The following SHISA9 variants were observed in gnomAD, a reference collection of about 807,000 sequenced individuals.
SHISA9 encodes protein shisa-9.
A neutral mutation model predicts 38.0 loss-of-function variants in SHISA9; 13 were observed. That is an observed-to-expected ratio of 0.34 (90% CI 0.22 to 0.54). The LOEUF (loss-of-function observed/expected upper bound fraction) is 0.54. SHISA9 is among the 20% of genes least tolerant of loss of function. SHISA9 has a pLI of 0.91. For synonymous variants in SHISA9, 275 were observed against 242.0 expected (o/e 1.14, Z -1.27); for missense variants, 538 against 575.8 (o/e 0.93, Z 0.67).
At chr16:13,479,390 C>T in the SHISA9 span, among the ~76,000 whole-genome samples, 1 of 152,140 alleles carries the variant, frequency 6.6e-6, no homozygotes, top group Admixed American at 6.5e-5. Context: ...GCCTATATCC[C>T]ATACTGCCTT....
chr16:13,129,029 C>T (rs2050284816), intron 2 of SHISA9, among the ~76,000 whole-genome samples: 1 of 152,124 alleles, frequency 6.6e-6, no homozygotes, highest in African/African-American at 2.4e-5. Flanking sequence ...ATGTCATTGC[C>T]ATTTATATTG....
At chr16:12,997,115 C>T (rs1354271478) in intron 2 of SHISA9, among the ~76,000 whole-genome samples, 1 of 152,100 alleles carries the variant, frequency 6.6e-6, no homozygotes, top group Non-Finnish European at 1.5e-5. Flanking sequence ...CCCCAAATTC[C>T]CTCATGCTTC....
At chr16:13,450,642 A>G in the SHISA9 span, among the ~76,000 whole-genome samples, 1 of 152,264 alleles carries the variant, frequency 6.6e-6, no homozygotes, top group Non-Finnish European at 1.5e-5. Flanking sequence ...CAGTCCTATG[A>G]AGTGGAATTA....
the SHISA9 span, among the ~76,000 whole-genome samples, chr16:13,479,151 A>G: frequency 1.3e-5 from 2 of 152,114 alleles, no homozygotes; most frequent in Admixed American, 1.3e-4. Context: ...CACGGCGCCT[A>G]TCAGTTTCCT....
At chr16:13,536,080 C>T in the SHISA9 span, among the ~76,000 whole-genome samples, 2 of 151,782 alleles carry the variant, frequency 1.3e-5, no homozygotes, top group Admixed American at 1.3e-4. Flanking sequence ...CTCACCGCAA[C>T]CTCCGCTTCC....
At chr16:13,124,698 C>T (rs1362350708) in intron 2 of SHISA9, among the ~76,000 whole-genome samples, 2 of 152,134 alleles carry the variant, frequency 1.3e-5, no homozygotes, top group African/African-American at 4.8e-5. Context: ...GGAGGAATCA[C>T]ATTATCTGAC....
chr16:13,155,420 G>C (rs931783593), intron 2 of SHISA9, among the ~76,000 whole-genome samples: 3 of 152,168 alleles, frequency 2.0e-5, no homozygotes, highest in Admixed American at 2.0e-4. Context: ...CTCCCCACCT[G>C]CCCTGGGACT....
chr16:13,100,761 G>A (rs2073870830), intron 2 of SHISA9, among the ~76,000 whole-genome samples: 1 of 152,214 alleles, frequency 6.6e-6, no homozygotes, highest in Non-Finnish European at 1.5e-5. Context: ...AGGCTGGAGT[G>A]CAGTGATGTG....
chr16:13,375,360 G>T, the SHISA9 span, among the ~76,000 whole-genome samples: 1 of 151,928 alleles, frequency 6.6e-6, no homozygotes, highest in African/African-American at 2.4e-5. Flanking sequence ...AAGATGTAAG[G>T]AAGGGATCTG....
At chr16:13,383,631 G>C in the SHISA9 span, among the ~76,000 whole-genome samples, 1 of 152,050 alleles carries the variant, frequency 6.6e-6, no homozygotes, top group African/African-American at 2.4e-5. Flanking sequence ...CCACAATTAT[G>C]TTTGCACCAA....
At chr16:13,296,323 A>G in the SHISA9 span, among the ~76,000 whole-genome samples, 1 of 150,956 alleles carries the variant, frequency 6.6e-6, no homozygotes, top group Non-Finnish European at 1.5e-5. Context: ...CTCAAGTTAT[A>G]TTTTTTTAGC....
At chr16:13,277,636 C>T in the SHISA9 span, among the ~76,000 whole-genome samples, 1 of 151,738 alleles carries the variant, frequency 6.6e-6, no homozygotes, top group Non-Finnish European at 1.5e-5. Flanking sequence ...TTTTCGGACT[C>T]CTTGTTTAGG....
the SHISA9 span, among the ~76,000 whole-genome samples, chr16:13,272,523 C>A: frequency 4.6e-5 from 7 of 152,068 alleles, no homozygotes; most frequent in African/African-American, 1.7e-4. Flanking sequence ...CCACTGTACC[C>A]AGCCTAGAAC....
At chr16:13,003,157 G>A (rs910017581) in intron 2 of SHISA9, among the ~76,000 whole-genome samples, 36 of 152,164 alleles carry the variant, frequency 2.4e-4, no homozygotes, top group Non-Finnish European at 1.3e-4. Flanking sequence ...AGCGAGAGGA[G>A]GATTGGTGCA....
chr16:13,094,192 G>A (rs1056148875), intron 2 of SHISA9, among the ~76,000 whole-genome samples: 18 of 152,208 alleles, frequency 1.2e-4, no homozygotes, highest in African/African-American at 1.2e-4. Context: ...TTTCCCAACC[G>A]TGCTCCTCTG....
At chr16:13,471,479 T>C in the SHISA9 span, among the ~76,000 whole-genome samples, 1 of 152,180 alleles carries the variant, frequency 6.6e-6, no homozygotes, top group Non-Finnish European at 1.5e-5. Context: ...CAAATGCTAG[T>C]CAGTAGATTA....
intron 2 of SHISA9, among the ~76,000 whole-genome samples, chr16:12,989,628 A>G (rs1475722156): frequency 6.6e-6 from 1 of 152,072 alleles, no homozygotes; most frequent in Non-Finnish European, 1.5e-5. Context: ...ATGTATGTCT[A>G]CTTAAATAAT....
chr16:13,293,655 A>G, the SHISA9 span, among the ~76,000 whole-genome samples: 1 of 152,128 alleles, frequency 6.6e-6, no homozygotes, highest in African/African-American at 2.4e-5. Flanking sequence ...CTCCTCACTT[A>G]TTTCCTTTTA....
chr16:13,032,812 C>T (rs1407454388), intron 2 of SHISA9, among the ~76,000 whole-genome samples: 3 of 152,184 alleles, frequency 2.0e-5, no homozygotes, highest in Admixed American at 2.0e-4. Context: ...CTCTCACAGA[C>T]AGGAGTGCAA....
Sources: allele counts gnomAD v4.1 joint callset (sites outside exome capture counted in the v4.1 genomes callset), GRCh38; gene constraint gnomAD v4.1.1; transcripts MANE v1.5; gene names NCBI Gene and HGNC (gene_info 2026-07-23, HGNC 2026-07-21).